The following DLG1 variants were observed in gnomAD, a reference collection of about 807,000 sequenced individuals.
DLG1 encodes disks large homolog 1.
A neutral mutation model predicts 123.4 loss-of-function variants in DLG1; 42 were observed. The observed-to-expected ratio is 0.34, with a 90% CI of 0.27 to 0.44. The LOEUF is 0.44. Ranked by LOEUF, DLG1 falls within the 20% of genes least tolerant of loss-of-function variation. DLG1 has a pLI of 1.00. For synonymous variants in DLG1, 317 were observed against 356.2 expected (o/e 0.89, Z 1.24); for missense variants, 942 against 1,082.6 (o/e 0.87, Z 1.82).
intron 6 of DLG1, among the ~76,000 whole-genome samples, chr3:197,143,313 TGGC>T (rs1325382419): frequency 1.4e-5 from 2 of 141,706 alleles, no homozygotes; most frequent in African/African-American, 5.3e-5. Flanking sequence ...AGTGCAGTGG[TGGC>T]GTGATCTTGG....
intron 15 of DLG1, among the ~76,000 whole-genome samples, chr3:197,089,656 T>G (rs1321778876): frequency 6.6e-6 from 1 of 152,012 alleles, no homozygotes; most frequent in Admixed American, 6.6e-5. Flanking sequence ...TGTAAATATT[T>G]AATCAAGTAC....
chr3:197,166,536 C>G (rs1801501289), intron 5 of DLG1, among the ~76,000 whole-genome samples: 1 of 152,168 alleles, frequency 6.6e-6, no homozygotes, highest in African/African-American at 2.4e-5. Context: ...AACAGCTCAA[C>G]AGCACGAATA....
intron 4 of DLG1, among the ~76,000 whole-genome samples, chr3:197,210,995 C>G (rs928169388): frequency 2.7e-5 from 4 of 145,954 alleles, no homozygotes; most frequent in African/African-American, 9.7e-5. Flanking sequence ...TTTATTTCAA[C>G]AAGGCAAGGT....
intron 11 of DLG1, among the ~76,000 whole-genome samples, chr3:197,123,521 C>G (rs1432517038): frequency 2.0e-5 from 3 of 152,074 alleles, no homozygotes; most frequent in African/African-American, 4.8e-5. Context: ...CAGGAACAAC[C>G]AGCAATAAAT....
Position 197,079,370 on chromosome 3 carries a change from AAGG to A in DLG1, c.1905+1678_1905+1680del, listed in dbSNP as rs375163708. 2.6e-4 allele frequency among the ~76,000 whole-genome samples: 39 copies of A among 152,326 alleles called. No individual in the cohort carries two copies. In the East Asian group the frequency reaches 6.5e-3, roughly 26 times the overall value. On this transcript the variant is annotated intron_variant, in intron 17 of 24. Coordinates refer to ENST00000667157, the MANE Select transcript of DLG1 (RefSeq NM_001366207.1). Reference sequence around the variant, plus strand: ...AAAGTCCATAATCACTATGTAAGGAAAGGAGGAGAAGTAGGAAATGGTACTATA... The same window carrying A: ...AAAGTCCATAATCACTATGTAAGGAAAGGAGAAGTAGGAAATGGTACTATA...
At chr3:197,100,991 CTACTAGATTAGGTG>C (rs778988197) in intron 14 of DLG1, among the ~76,000 whole-genome samples, 4 of 152,140 alleles carry the variant, frequency 2.6e-5, no homozygotes, top group Non-Finnish European at 4.4e-5. Context: ...CTTCCTTTCC[CTACTAGATTAGGTG>C]TACAAGCTTT....
At chr3:197,186,995 G>A (rs1716449023) in intron 5 of DLG1, among the ~76,000 whole-genome samples, 1 of 152,140 alleles carries the variant, frequency 6.6e-6, no homozygotes, top group African/African-American at 2.4e-5. Flanking sequence ...TAACGTAAAT[G>A]CAATATAACA....
At chr3:197,089,527 T>TAAA (rs75041617) in intron 15 of DLG1, among the ~76,000 whole-genome samples, 1 of 130,990 alleles carries the variant, frequency 7.6e-6, no homozygotes. Context: ...ACCCTGTCTT[T>TAAA]AAAAAAAAAA....
At chr3:197,103,345 C>T (rs573934843) in intron 14 of DLG1, among the ~76,000 whole-genome samples, 4 of 152,032 alleles carry the variant, frequency 2.6e-5, no homozygotes, top group Non-Finnish European at 4.4e-5. Context: ...TTAAGTTACC[C>T]GTAACCATAC....
chr3:197,279,849 C>T (rs1768326919), intron 4 of DLG1, among the ~76,000 whole-genome samples: 1 of 152,118 alleles, frequency 6.6e-6, no homozygotes, highest in Non-Finnish European at 1.5e-5. Flanking sequence ...AGAATACTTA[C>T]AGTTAAAAAT....
At chr3:197,213,561 T>C (rs1457103483) in intron 4 of DLG1, among the ~76,000 whole-genome samples, 4 of 152,200 alleles carry the variant, frequency 2.6e-5, no homozygotes, top group African/African-American at 9.6e-5. Flanking sequence ...ATGTAAATTA[T>C]ACTTCCGTAA....
intron 5 of DLG1, among the ~76,000 whole-genome samples, chr3:197,168,053 C>T (rs1269593489): frequency 1.3e-5 from 2 of 152,226 alleles, no homozygotes; most frequent in Non-Finnish European, 2.9e-5. Flanking sequence ...ATTTTCTCCA[C>T]TGGGCAGGTG....
intron 18 of DLG1, among the ~76,000 whole-genome samples, chr3:197,072,361 CATTTACTTGTAATACATT>C (rs57956874): frequency 0.21 from 31,522 of 151,886 alleles, 4,372 homozygotes; most frequent in East Asian, 0.6. Context: ...CACTCCCATA[CATTTACTTGTAATACATT>C]ATTTACTTGT....
chr3:197,148,721 T>C (rs1028039378), intron 6 of DLG1, among the ~76,000 whole-genome samples: 6 of 152,152 alleles, frequency 3.9e-5, no homozygotes, highest in African/African-American at 1.4e-4. Context: ...ATAAAACTCT[T>C]AGAAGAAAAC....
At chr3:197,172,828 G>A (rs529139372) in intron 5 of DLG1, among the ~76,000 whole-genome samples, 2 of 152,182 alleles carry the variant, frequency 1.3e-5, no homozygotes, top group African/African-American at 4.8e-5. Context: ...ATAATGAATT[G>A]CCTAATAATG....
intron 5 of DLG1, among the ~76,000 whole-genome samples, chr3:197,180,916 A>G (rs1809939046): frequency 6.6e-6 from 1 of 152,208 alleles, no homozygotes; most frequent in Non-Finnish European, 1.5e-5. Context: ...AATTAATTCT[A>G]TAAGCATTTA....
chr3:197,136,760 T>C lies in DLG1; in HGVS notation c.884-82A>G, dbSNP rs1251513875. On this transcript the variant is annotated intron_variant, in intron 9 of 24. Coordinates refer to ENST00000667157, the MANE Select transcript of DLG1 (RefSeq NM_001366207.1). ...GAAATGGTTGAAAACTACAAGGTAA[T>C]TATTCCCTCACACTAATATTTTTTA... 8 of 1,192,590 alleles carry C rather than the reference T, an allele frequency of 6.7e-6. No individual in the cohort carries two copies. The East Asian group carries it at 1.9e-4, about 28-fold the overall frequency. 73.9% of individuals were successfully genotyped at this position (1,192,590 alleles called of 1,614,324 possible).
At position 197,136,679 on chromosome 3, in the gene DLG1, C is replaced by T; in HGVS notation, c.884-1G>A. The stretch of plus-strand genomic sequence containing the variant: ...CCTCCAGCAATGCTAAACCCAAGAC[C>T]TGTTTGGAAAACAGTTCTAGATTCT... On this transcript the variant is annotated splice_acceptor_variant, in intron 9 of 24. Coordinates refer to ENST00000667157, the MANE Select transcript of DLG1 (RefSeq NM_001366207.1). LOFTEE classifies it high-confidence loss of function. 1 of 1,600,726 alleles carries T rather than the reference C, an allele frequency of 6.2e-7. No individual in the cohort carries two copies. Among genetic ancestry groups the T allele is most frequent in the Non-Finnish European group, 8.5e-7 (1 of 1,176,146 alleles).
At chr3:197,119,568 A>C (rs755290834) in intron 11 of DLG1, 38 bp from the exon 12 acceptor site, 2 of 1,561,828 alleles carry the variant, frequency 1.3e-6, no homozygotes, top group South Asian at 1.1e-5. Context: ...TTCAAACACG[A>C]AACAAGCCAA....
Sources: allele counts gnomAD v4.1 joint callset (sites outside exome capture counted in the v4.1 genomes callset), GRCh38; gene constraint gnomAD v4.1.1; transcripts MANE v1.5; gene names NCBI Gene and HGNC (gene_info 2026-07-23, HGNC 2026-07-21).